Variants in NUP188 observed in about 807,000 individuals in gnomAD.
The protein encoded by NUP188 is nucleoporin NUP188.
A neutral mutation model predicts 223.0 loss-of-function variants in NUP188; 97 were observed. That is an observed-to-expected ratio of 0.43 (90% CI 0.37 to 0.51). The LOEUF is 0.51. Among genes scored for constraint, NUP188 ranks in the 20% least tolerant of loss-of-function variants. The pLI is 0.00. For synonymous variants in NUP188, 869 were observed against 828.0 expected (o/e 1.05, Z -0.85); for missense variants, 1,947 against 2,175.6 (o/e 0.89, Z 2.09).
chr9:128,988,719 A>ATTTTTT (rs528821221), intron 24 of NUP188, among the ~76,000 whole-genome samples: 5 of 72,868 alleles, frequency 6.9e-5, no homozygotes, highest in East Asian at 5.2e-4. Flanking sequence ...TAATTTTTTA[A>ATTTTTT]TTTTTTTTTT....
chr9:128,962,974 A>T (rs986308996), intron 8 of NUP188, among the ~76,000 whole-genome samples: 1 of 152,190 alleles, frequency 6.6e-6, no homozygotes, highest in Admixed American at 6.5e-5. Context: ...AAATAGAACC[A>T]CACAATATGT....
At chr9:128,970,678 T>C in intron 10 of NUP188, 80 bp from the exon 11 acceptor site, 1 of 1,216,418 alleles carries the variant, frequency 8.2e-7, no homozygotes, top group Non-Finnish European at 1.2e-6. Context: ...GGCTTGCTTA[T>C]TGAGCGTGAT....
intron 1 of NUP188, chr9:128,948,635 G>C (rs1841727092): frequency 1.4e-5 from 2 of 144,798 alleles, no homozygotes; most frequent in African/African-American, 5.2e-5. Flanking sequence ...GAAGGTCTTC[G>C]TTCTTCCCAC....
intron 3 of NUP188, 61 bp from the exon 4 acceptor site, chr9:128,956,289 T>G (rs759248934): frequency 1.1e-4 from 111 of 1,005,284 alleles, no homozygotes; most frequent in Middle Eastern, 3.0e-4. Context: ...TTTAAAATAT[T>G]TTTATTTTAA....
intron 14 of NUP188, among the ~76,000 whole-genome samples, chr9:128,980,969 G>T (rs1195099232): frequency 1.3e-5 from 2 of 152,146 alleles, no homozygotes; most frequent in Admixed American, 6.6e-5. Context: ...CTAGTTGGAA[G>T]TTACTAGATA....
At chr9:129,003,924 G>A (rs1842725254) in intron 38 of NUP188, 1 of 278,088 alleles carries the variant, frequency 3.6e-6, no homozygotes, top group South Asian at 3.2e-5. Context: ...AGTGAGCTAG[G>A]ATCGAACCAT....
In NUP188 at chr9:128,970,826, TCTC is replaced by T. The variant is rs1286417948; in HGVS notation, c.986_988del (p.Leu329del). On this transcript the variant is annotated inframe_deletion, in exon 11 of 44. Transcript: ENST00000372577. The stretch of plus-strand genomic sequence containing the variant: ...ATGCCCCAGTGCTTTTGGCCTGGGC[TCTC>T]CTCCGTCACACTCTGAACCCAGAAG... 3 of 1,614,146 alleles carry T rather than the reference TCTC, an allele frequency of 1.9e-6. No individual in the cohort carries two copies. Among genetic ancestry groups the T allele is most frequent in the Non-Finnish European group, 2.5e-6 (3 of 1,180,016 alleles).
chr9:129,003,350 G>T lies in NUP188; in HGVS notation c.4330G>T (p.Ala1444Ser). The T allele has an allele frequency of 6.2e-7, 1 of 1,612,696 alleles. No individual in the cohort carries two copies. Among genetic ancestry groups the T allele is most frequent in the Non-Finnish European group, 8.5e-7 (1 of 1,179,882 alleles). Residue 1444 changes from alanine to serine, a missense_variant, in exon 38 of 44, where the codon GCC becomes TCC. Coordinates refer to ENST00000372577, the MANE Select transcript of NUP188 (RefSeq NM_015354.3). ...CGCAGTGAGGACAGTGCAGAGTCTG[G>T]CCTGCCTGGAGGAGGCGGACCACAC... The part of the protein sequence containing the change: ...LNAVRTVQSL[A>S]CLEEADHTVG...
Position 128,985,489 on chromosome 9 carries a change from G to C in NUP188, c.2076+475G>C, listed in dbSNP as rs184557486. ...TAGACTGATCTCATAATCTACTAATGGGTTACAACTCGGTTTGAAAAATAC... is the reference window on the plus strand; with the variant it reads ...TAGACTGATCTCATAATCTACTAATCGGTTACAACTCGGTTTGAAAAATAC... On this transcript the variant is annotated intron_variant, in intron 20 of 43. Coordinates refer to ENST00000372577, the MANE Select transcript of NUP188 (RefSeq NM_015354.3). Among the ~76,000 whole-genome samples, 3 of 152,068 alleles carry C rather than the reference G, an allele frequency of 2.0e-5. No individual in the cohort carries two copies. The South Asian group carries it at 6.2e-4, about 32-fold the overall frequency.
At chr9:129,005,848 T>C (rs1842784628) in intron 41 of NUP188, 72 bp downstream of exon 41, 2 of 1,519,720 alleles carry the variant, frequency 1.3e-6, no homozygotes, top group Middle Eastern at 2.2e-4. Context: ...CCAGCTGACC[T>C]TGGGCATGTT....
intron 35 of NUP188, 38 bp downstream of exon 35, chr9:129,001,767 G>T: frequency 6.2e-7 from 1 of 1,606,990 alleles, no homozygotes. Flanking sequence ...GAGCGTCCTT[G>T]CTTGCCTGGG....
At chr9:128,987,064 T>A (rs956521325) in intron 22 of NUP188, among the ~76,000 whole-genome samples, 189 bp downstream of exon 22, 1 of 110,992 alleles carries the variant, frequency 9.0e-6, no homozygotes, top group African/African-American at 3.2e-5. Flanking sequence ...GAAGTAGGAA[T>A]GAGAGAGAGA....
chr9:128,980,516 T>G (rs1842239467), intron 13 of NUP188, 90 bp from the exon 14 acceptor site: 1 of 1,374,658 alleles, frequency 7.3e-7, no homozygotes, highest in Non-Finnish European at 1.0e-6. Flanking sequence ...AAGGATTAAT[T>G]CTAAATTTTC....
chr9:128,963,967 A>G (rs982949547), intron 8 of NUP188, among the ~76,000 whole-genome samples: 1 of 151,822 alleles, frequency 6.6e-6, no homozygotes, highest in Non-Finnish European at 1.5e-5. Context: ...CAGGCATGCC[A>G]CCACGTCCGG....
chr9:128,957,830 G>A (rs1307432595), intron 5 of NUP188, among the ~76,000 whole-genome samples, 180 bp from the exon 6 acceptor site: 1 of 152,228 alleles, frequency 6.6e-6, no homozygotes, highest in Non-Finnish European at 1.5e-5. Flanking sequence ...GGCCAGAGGA[G>A]AAGGGGAGGG....
Position 128,990,069 on chromosome 9 carries a change from G to C in NUP188, c.2534-51G>C, listed in dbSNP as rs376274433. ...TTTTTTGAACAGTCAGTGCTCTAAG[G>C]ACTTGAATTAGGCACACTTGATATC... On this transcript the variant is annotated intron_variant, in intron 24 of 43. Transcript: ENST00000372577. 9.5e-5 allele frequency: 129 copies of C among 1,362,668 alleles called. No individual in the cohort carries two copies. In the African/African-American group the frequency reaches 1.6e-3, roughly 17 times the overall value. 84.4% of individuals were successfully genotyped at this position (1,362,668 alleles called of 1,614,324 possible).
chr9:128,977,007 A>G (rs1334399665), intron 12 of NUP188, among the ~76,000 whole-genome samples: 3 of 152,024 alleles, frequency 2.0e-5, no homozygotes, highest in Non-Finnish European at 1.5e-5. Context: ...TGGGAGACAC[A>G]GGTTTCAGTG....
At chr9:128,986,405 A>C (rs557545471) in intron 20 of NUP188, among the ~76,000 whole-genome samples, 153 bp from the exon 21 acceptor site, 37 of 152,292 alleles carry the variant, frequency 2.4e-4, no homozygotes, top group African/African-American at 7.7e-4. Context: ...TCAACTATAA[A>C]GTAGGACTTT....
At chr9:128,979,615 G>A (rs575459183) in intron 13 of NUP188, among the ~76,000 whole-genome samples, 2 of 126,186 alleles carry the variant, frequency 1.6e-5, no homozygotes, top group Admixed American at 8.4e-5. Flanking sequence ...CAGCCCACCA[G>A]GTTTTTTTTT....
Sources: gnomAD v4.1 joint callset for allele counts (sites outside exome capture counted in the v4.1 genomes callset) on GRCh38, gnomAD v4.1.1 for gene constraint, MANE v1.5 for transcripts, NCBI Gene and HGNC (gene_info 2026-07-23, HGNC 2026-07-21) for gene names.